Variants in MPPED2 observed in about 807,000 individuals in gnomAD.
MPPED2 encodes metallophosphoesterase domain containing 2, also known as metallophosphoesterase MPPED2.
MPPED2 carries 5 observed loss-of-function variants against 33.0 expected under a neutral mutation model. The ratio of observed to expected loss-of-function variants is 0.15; its 90% CI spans 0.08 to 0.32. The LOEUF is 0.32. MPPED2 is among the 10% of genes least tolerant of loss of function. The pLI is 1.00. For synonymous variants in MPPED2, 136 were observed against 141.9 expected (o/e 0.96, Z 0.29); for missense variants, 275 against 372.1 (o/e 0.74, Z 2.15).
intron 4 of MPPED2, among the ~76,000 whole-genome samples, chr11:30,454,485 A>T (rs1491000495): frequency 6.6e-6 from 1 of 152,172 alleles, no homozygotes; most frequent in Non-Finnish European, 1.5e-5. Context: ...AAAAAAAATT[A>T]TAAATTTTTT....
At chr11:30,456,166 A>G (rs1248094318) in intron 4 of MPPED2, among the ~76,000 whole-genome samples, 1 of 152,224 alleles carries the variant, frequency 6.6e-6, no homozygotes, top group Non-Finnish European at 1.5e-5. Flanking sequence ...CATTCTCAAA[A>G]ATAAGGAATG....
At chr11:30,431,943 G>C (rs559765393) in intron 4 of MPPED2, among the ~76,000 whole-genome samples, 3 of 152,292 alleles carry the variant, frequency 2.0e-5, no homozygotes, top group Admixed American at 1.3e-4. Flanking sequence ...GGGAGGCCAA[G>C]GTGGGTGGAT....
chr11:30,464,912 A>G (rs1950646758), intron 4 of MPPED2, among the ~76,000 whole-genome samples: 1 of 152,152 alleles, frequency 6.6e-6, no homozygotes, highest in Non-Finnish European at 1.5e-5. Context: ...GTTCAATTCA[A>G]CTCAGTTAAG....
chr11:30,490,262 T>C (rs1951918685), intron 4 of MPPED2, among the ~76,000 whole-genome samples: 1 of 152,102 alleles, frequency 6.6e-6, no homozygotes, highest in Non-Finnish European at 1.5e-5. Context: ...TCTCCCATGG[T>C]ACGAAGTATG....
chr11:30,491,949 C>T (rs1198572683), intron 4 of MPPED2, among the ~76,000 whole-genome samples: 3 of 152,180 alleles, frequency 2.0e-5, no homozygotes, highest in Non-Finnish European at 4.4e-5. Flanking sequence ...AGATCTCCCT[C>T]ATTGTAAAGA....
At chr11:30,393,322 A>G (rs908947809) in intron 6 of MPPED2, among the ~76,000 whole-genome samples, 4 of 151,988 alleles carry the variant, frequency 2.6e-5, no homozygotes. Flanking sequence ...CATCCTGGAC[A>G]GTCTCTGTGG....
chr11:30,570,697 C>T (rs1489017564), intron 2 of MPPED2, among the ~76,000 whole-genome samples: 1 of 152,180 alleles, frequency 6.6e-6, no homozygotes, highest in Non-Finnish European at 1.5e-5. Flanking sequence ...GCTGAGCTTG[C>T]TTAGCTGGTG....
chr11:30,554,289 T>C (rs1157358394), intron 2 of MPPED2, among the ~76,000 whole-genome samples: 2 of 152,178 alleles, frequency 1.3e-5, no homozygotes, highest in African/African-American at 2.4e-5. Flanking sequence ...ATTCTGCTTG[T>C]CTGCCACTGC....
intron 1 of MPPED2, among the ~76,000 whole-genome samples, chr11:30,581,242 G>C (rs3758905): frequency 0.42 from 63,647 of 151,994 alleles, 13,517 homozygotes; most frequent in South Asian, 0.52. Context: ...CCGATGGAGC[G>C]GTAAAGAAGG....
chr11:30,457,853 C>T (rs972353417), intron 4 of MPPED2, among the ~76,000 whole-genome samples: 4 of 152,180 alleles, frequency 2.6e-5, no homozygotes, highest in African/African-American at 7.2e-5. Context: ...TGAGTCTCCC[C>T]AGAATCTCTG....
chr11:30,387,088 A>T (rs1947712560), exon 7 of MPPED2: 2 of 261,152 alleles, frequency 7.7e-6, no homozygotes, highest in Non-Finnish European at 7.2e-6. Flanking sequence ...CTGGATTTCA[A>T]AGCCACTATT....
intron 2 of MPPED2, among the ~76,000 whole-genome samples, chr11:30,543,705 C>T (rs1955255076): frequency 6.7e-6 from 1 of 148,956 alleles, no homozygotes. Context: ...CAACAGAGAA[C>T]AAAGAAGCCA....
chr11:30,539,982 C>A (rs1239280312), intron 2 of MPPED2, among the ~76,000 whole-genome samples: 1 of 152,084 alleles, frequency 6.6e-6, no homozygotes, highest in East Asian at 1.9e-4. Context: ...TCCCCCTGTG[C>A]AACCCATCCT....
chr11:30,535,491 C>T (rs1645381858), intron 3 of MPPED2, among the ~76,000 whole-genome samples: 1 of 152,162 alleles, frequency 6.6e-6, no homozygotes, highest in South Asian at 2.1e-4. Flanking sequence ...TTTCAGGGGT[C>T]TAGAACACCC....
intron 4 of MPPED2, among the ~76,000 whole-genome samples, chr11:30,445,589 A>C (rs1949768984): frequency 6.6e-6 from 1 of 152,222 alleles, no homozygotes; most frequent in African/African-American, 2.4e-5. Context: ...TCCCAAACCG[A>C]AACTACGCAT....
At chr11:30,429,798 G>A (rs1949000684) in intron 4 of MPPED2, among the ~76,000 whole-genome samples, 1 of 152,116 alleles carries the variant, frequency 6.6e-6, no homozygotes, top group Non-Finnish European at 1.5e-5. Context: ...TTCATAATTA[G>A]ATTTTCCCCA....
At chr11:30,530,179 TCAA>T (rs1954437165) in intron 3 of MPPED2, among the ~76,000 whole-genome samples, 2 of 152,164 alleles carry the variant, frequency 1.3e-5, no homozygotes, top group African/African-American at 4.8e-5. Context: ...TATATAGGAA[TCAA>T]CAACAACAGC....
At chr11:30,466,836 C>T (rs1950727443) in intron 4 of MPPED2, among the ~76,000 whole-genome samples, 1 of 152,176 alleles carries the variant, frequency 6.6e-6, no homozygotes, top group Non-Finnish European at 1.5e-5. Context: ...ACAAGCATAA[C>T]ATTTAGATTC....
chr11:30,570,152 T>C (rs1294494845), intron 2 of MPPED2, among the ~76,000 whole-genome samples: 1 of 152,140 alleles, frequency 6.6e-6, no homozygotes, highest in African/African-American at 2.4e-5. Context: ...TGCATTTATC[T>C]CTCACAATTC....
Sources: allele counts gnomAD v4.1 joint callset (sites outside exome capture counted in the v4.1 genomes callset), GRCh38; gene constraint gnomAD v4.1.1; transcripts MANE v1.5; gene names NCBI Gene and HGNC (gene_info 2026-07-23, HGNC 2026-07-21).